The following DACH1 variants were observed in gnomAD, a reference collection of about 807,000 sequenced individuals.
DACH1 encodes dachshund family transcription factor 1.
Under a neutral mutation model 54.2 loss-of-function variants are expected in DACH1, and 12 were observed. The ratio of observed to expected loss-of-function variants is 0.22; its 90% confidence interval spans 0.14 to 0.36. The LOEUF (loss-of-function observed/expected upper bound fraction) is 0.36, where lower values mean the gene tolerates loss of function less well. Ranked by LOEUF, DACH1 falls within the 10% of genes least tolerant of loss-of-function variation. DACH1 has a pLI of 1.00. For synonymous variants in DACH1, 386 were observed against 366.2 expected (o/e 1.05, Z -0.62); for missense variants, 805 against 929.8 (o/e 0.87, Z 1.75).
intron 3 of DACH1, among the ~76,000 whole-genome samples, chr13:71,608,679 A>T (rs1431938448): frequency 6.6e-6 from 1 of 152,154 alleles, no homozygotes; most frequent in East Asian, 1.9e-4. Flanking sequence ...TCCTAAAACT[A>T]AATTATTCTA....
chr13:71,508,291 T>A (rs1316328581), intron 6 of DACH1, among the ~76,000 whole-genome samples: 2 of 152,190 alleles, frequency 1.3e-5, no homozygotes, highest in Non-Finnish European at 2.9e-5. Flanking sequence ...AATTGCCAAG[T>A]ATTTTCGTCC....
intron 2 of DACH1, among the ~76,000 whole-genome samples, chr13:71,635,358 T>C (rs1877404710): frequency 6.6e-6 from 1 of 152,168 alleles, no homozygotes; most frequent in African/African-American, 2.4e-5. Flanking sequence ...CTTGCAATGG[T>C]CCTTTCAAAT....
intron 3 of DACH1, among the ~76,000 whole-genome samples, chr13:71,589,878 A>G (rs1420767994): frequency 1.3e-5 from 2 of 152,074 alleles, no homozygotes; most frequent in South Asian, 2.1e-4. Context: ...ATGACAGCAC[A>G]TTCATGCTAA....
chr13:71,779,227 G>A (rs181803669), intron 1 of DACH1, among the ~76,000 whole-genome samples: 31 of 74,162 alleles, frequency 4.2e-4, no homozygotes, highest in Middle Eastern at 8.3e-3. Flanking sequence ...ACGTATATAC[G>A]TATATATACA....
At chr13:71,804,632 GC>G (rs1219663993) in intron 1 of DACH1, among the ~76,000 whole-genome samples, 3 of 152,022 alleles carry the variant, frequency 2.0e-5, no homozygotes, top group Non-Finnish European at 4.4e-5. Flanking sequence ...ACCTCTTCTT[GC>G]CAAAGCGCTG....
chr13:71,533,027 T>C (rs879155668), intron 6 of DACH1, among the ~76,000 whole-genome samples: 1 of 151,810 alleles, frequency 6.6e-6, no homozygotes, highest in Admixed American at 6.6e-5. Flanking sequence ...ACTATTCAGG[T>C]TTTACCTGCT....
In DACH1 at chr13:71,678,843, A is replaced by G. The variant is rs80285934; in HGVS notation, c.964+2952T>C. Among the ~76,000 whole-genome samples, 688 of 152,142 alleles carry G rather than the reference A, an allele frequency of 4.5e-3. 3 individuals are homozygous for G. The highest frequency in any genetic ancestry group is 0.024 in the East Asian group (122 of 5,158). ...CAGCCAAATTGTTTTGATTTTTGGT[A>G]GAGACTAAACCTTGCTATGTTGCCC... On this transcript the variant is annotated intron_variant, in intron 2 of 10. Coordinates refer to ENST00000613252, the MANE Select transcript of DACH1 (RefSeq NM_080759.6).
At chr13:71,649,923 A>C (rs1437490223) in intron 2 of DACH1, among the ~76,000 whole-genome samples, 1 of 152,174 alleles carries the variant, frequency 6.6e-6, no homozygotes, top group African/African-American at 2.4e-5. Context: ...CTATCTTGGA[A>C]TTCAAATTCT....
At chr13:71,778,515 C>G (rs1009117725) in intron 1 of DACH1, among the ~76,000 whole-genome samples, 2 of 151,670 alleles carry the variant, frequency 1.3e-5, no homozygotes, top group African/African-American at 4.8e-5. Flanking sequence ...AACAAATGTC[C>G]CCAATTTTTG....
chr13:71,694,261 A>G (rs532065364), intron 1 of DACH1, among the ~76,000 whole-genome samples: 2 of 152,248 alleles, frequency 1.3e-5, no homozygotes, highest in African/African-American at 2.4e-5. Flanking sequence ...ATGCATGAGG[A>G]GCTGTCAAGA....
At chr13:71,836,765 C>G (rs960786106) in intron 1 of DACH1, among the ~76,000 whole-genome samples, 2 of 151,926 alleles carry the variant, frequency 1.3e-5, no homozygotes, top group African/African-American at 4.8e-5. Flanking sequence ...AAAATTTCAC[C>G]TATCCCACTC....
At chr13:71,613,105 T>G (rs1457499385) in intron 3 of DACH1, among the ~76,000 whole-genome samples, 1 of 152,218 alleles carries the variant, frequency 6.6e-6, no homozygotes, top group African/African-American at 2.4e-5. Context: ...TGGAGCAGAC[T>G]TGAAGAACTG....
intron 1 of DACH1, among the ~76,000 whole-genome samples, chr13:71,807,704 T>C (rs1006782621): frequency 4.6e-5 from 7 of 152,210 alleles, no homozygotes; most frequent in Admixed American, 3.3e-4. Flanking sequence ...CTTTTGGTAA[T>C]TGATTTCCTG....
At chr13:71,450,115 A>G (rs1874891496) in intron 10 of DACH1, among the ~76,000 whole-genome samples, 1 of 151,946 alleles carries the variant, frequency 6.6e-6, no homozygotes, top group Non-Finnish European at 1.5e-5. Context: ...CAGTTTGATA[A>G]GGTACAGGCT....
intron 3 of DACH1, among the ~76,000 whole-genome samples, chr13:71,587,416 A>G (rs1873365837): frequency 1.3e-5 from 2 of 152,122 alleles, no homozygotes; most frequent in Admixed American, 1.3e-4. Flanking sequence ...GCTTTGTGTG[A>G]CCAAACAACA....
At chr13:71,565,812 C>T (rs972819003) in intron 4 of DACH1, among the ~76,000 whole-genome samples, 1 of 152,154 alleles carries the variant, frequency 6.6e-6, no homozygotes, top group African/African-American at 2.4e-5. Context: ...TGAACTTACT[C>T]ATTGGTGGTA....
At chr13:71,588,002 C>A (rs1229615025) in intron 3 of DACH1, among the ~76,000 whole-genome samples, 1 of 152,178 alleles carries the variant, frequency 6.6e-6, no homozygotes, top group Middle Eastern at 3.4e-3. Context: ...TGTGAAAAGC[C>A]TGAATGTGGA....
intron 3 of DACH1, among the ~76,000 whole-genome samples, chr13:71,617,265 T>G (rs1875851613): frequency 6.6e-6 from 1 of 152,206 alleles, no homozygotes; most frequent in Non-Finnish European, 1.5e-5. Context: ...TAGATGGTTT[T>G]GACAAATTAG....
At chr13:71,786,831 T>C (rs1886612766) in intron 1 of DACH1, among the ~76,000 whole-genome samples, 1 of 152,156 alleles carries the variant, frequency 6.6e-6, no homozygotes, top group African/African-American at 2.4e-5. Flanking sequence ...CTTCTTTTTG[T>C]TTATTGTGCA....
Sources: gnomAD v4.1 joint callset for allele counts (sites outside exome capture counted in the v4.1 genomes callset) on GRCh38, gnomAD v4.1.1 for gene constraint, MANE v1.5 for transcripts, NCBI Gene and HGNC (gene_info 2026-07-23, HGNC 2026-07-21) for gene names.